Variants in STRAP observed in about 807,000 individuals in gnomAD.
STRAP encodes serine-threonine kinase receptor-associated protein.
Under a neutral mutation model 47.0 loss-of-function variants are expected in STRAP, and 16 were observed. The observed-to-expected ratio is 0.34, with a 90% CI of 0.23 to 0.52. The LOEUF (loss-of-function observed/expected upper bound fraction) is 0.52. Ranked by LOEUF, STRAP falls within the 20% of genes least tolerant of loss-of-function variation. The pLI is 0.96. For synonymous variants in STRAP, 130 were observed against 142.7 expected, an observed-to-expected ratio of 0.91 and a Z score of 0.63; for missense variants, 293 against 420.0, an observed-to-expected ratio of 0.70 and a Z score of 2.64.
chr12:15,889,983 A>G lies in STRAP; in HGVS notation c.304A>G (p.Ile102Val). The change falls in exon 3 of 10, where the codon ATT becomes GTT. Residue 102 changes from isoleucine to valine, a missense_variant. Coordinates refer to ENST00000419869, the MANE Select transcript of STRAP (RefSeq NM_007178.4). Reference protein sequence around the residue: ...DELMTLAHKHIVKTVDFTQDS... With the variant: ...DELMTLAHKHVVKTVDFTQDS... ...ATTGATGACCCTGGCTCATAAACAC[A>G]TTGTCAAGACTGTGGATTTCACGCA... The G allele has an allele frequency of 6.2e-7, 1 of 1,613,852 alleles. No homozygotes were observed. Among genetic ancestry groups the G allele is most frequent in the East Asian group, 2.2e-5 (1 of 44,828 alleles).
intron 1 of STRAP, chr12:15,883,121 G>C (rs1292221200): frequency 6.5e-7 from 1 of 1,535,514 alleles, no homozygotes; most frequent in Non-Finnish European, 8.7e-7. Flanking sequence ...GGGACAACAC[G>C]GTAAATAGCT....
intron 4 of STRAP, among the ~76,000 whole-genome samples, chr12:15,891,009 G>C (rs1022038320): frequency 6.6e-6 from 1 of 151,522 alleles, no homozygotes; most frequent in African/African-American, 2.4e-5. Flanking sequence ...GCAGTGAGCC[G>C]AGATTGCGCC....
In STRAP at chr12:15,903,238, A is replaced by G; in HGVS notation, c.*260A>G. On this transcript the variant is annotated 3_prime_UTR_variant, in exon 10 of 10. Transcript: ENST00000419869. Reference sequence around the variant, plus strand: ...CTTTTTAATGAATATATACAAGCCAACATCCAATTTCTATTATTACAATTA... The same window carrying G: ...CTTTTTAATGAATATATACAAGCCAGCATCCAATTTCTATTATTACAATTA... 1 of 304,556 alleles carries G rather than the reference A, an allele frequency of 3.3e-6. No homozygotes were observed. Among genetic ancestry groups the G allele is most frequent in the Non-Finnish European group, 5.9e-6 (1 of 168,654 alleles). 18.9% of individuals were successfully genotyped at this position (304,556 alleles called of 1,614,324 possible).
At chr12:15,895,842 G>A (rs1948054999) in intron 6 of STRAP, among the ~76,000 whole-genome samples, 1 of 126,710 alleles carries the variant, frequency 7.9e-6, no homozygotes. Flanking sequence ...CAGTCTGGAT[G>A]ACAAAGCAAA....
intron 1 of STRAP, 66 bp downstream of exon 1, chr12:15,882,885 C>G: frequency 4.0e-6 from 6 of 1,508,428 alleles, no homozygotes; most frequent in Middle Eastern, 1.7e-4. Flanking sequence ...GGGACCCGCA[C>G]GCTCCAGTGC....
intron 2 of STRAP, among the ~76,000 whole-genome samples, chr12:15,886,823 G>A (rs917297474): frequency 2.6e-5 from 4 of 152,100 alleles, no homozygotes; most frequent in South Asian, 2.1e-4. Flanking sequence ...ATTTGGTCCC[G>A]TTTCTTGTGG....
intron 7 of STRAP, 110 bp downstream of exon 7, chr12:15,898,128 A>G (rs767338451): frequency 1.2e-4 from 124 of 1,044,906 alleles, no homozygotes; most frequent in South Asian, 2.1e-4. Flanking sequence ...TTGAAAGTAA[A>G]TTTTTCAGCT....
In STRAP at chr12:15,890,017, A is replaced by C; in HGVS notation, c.330+8A>C. ...ACTGTGGATTTCACGCAGGTATCAG[A>C]AAATGGAATTTATTTTAGCGAGTTA... On this transcript the variant is annotated splice_region_variant and intron_variant, in intron 3 of 9. Coordinates refer to ENST00000419869, the MANE Select transcript of STRAP (RefSeq NM_007178.4). This position sits in a 1 kb window ranked among gnomAD's most constrained non-coding sequence, Gnocchi z 4.5. 1 of 1,613,416 alleles carries C rather than the reference A, an allele frequency of 6.2e-7. No individual in the cohort carries two copies. Among genetic ancestry groups the C allele is most frequent in the South Asian group, 1.1e-5 (1 of 91,062 alleles).
chr12:15,894,271 C>A lies in STRAP; in HGVS notation c.500+128C>A. On this transcript the variant is annotated intron_variant, in intron 5 of 9. Transcript: ENST00000419869. The surrounding 1 kb of genome is among the most constrained non-coding windows in gnomAD (Gnocchi z 4.9). Reference sequence around the variant, plus strand: ...GTCAGGAGTACTAGACCAGCCTGGCCGACATGGCGAAATACTGTCTCTATG... The same window carrying A: ...GTCAGGAGTACTAGACCAGCCTGGCAGACATGGCGAAATACTGTCTCTATG... 1.6e-6 allele frequency: 1 copy of A among 634,170 alleles called. No individual in the cohort carries two copies. The highest frequency in any genetic ancestry group is 3.0e-5 in the East Asian group (1 of 33,878). The allele number at this position is 634,170 out of a possible 1,614,324, so 39.3% of individuals were successfully genotyped here.
At position 15,903,149 on chromosome 12, in the gene STRAP, T is replaced by A; in HGVS notation, c.*171T>A. On this transcript the variant is annotated 3_prime_UTR_variant, in exon 10 of 10. Coordinates refer to ENST00000419869, the MANE Select transcript of STRAP (RefSeq NM_007178.4). ...TAACTAACTTGGTGTTACCTGTAAG[T>A]GAAAACTCAAGTGTCAGATGAAGGG... The A allele has an allele frequency of 3.3e-6, 2 of 614,100 alleles. No individual in the cohort carries two copies. Among genetic ancestry groups the A allele is most frequent in the Non-Finnish European group, 5.0e-6 (2 of 401,374 alleles). The allele number at this position is 614,100 out of a possible 1,614,324, so 38.0% of individuals were successfully genotyped here.
chr12:15,883,173 A>G, intron 1 of STRAP: 5 of 1,514,810 alleles, frequency 3.3e-6, no homozygotes, highest in Non-Finnish European at 4.4e-6. Context: ...CAGGCCGTGC[A>G]ATACCTTACA....
chr12:15,888,301 G>A lies in STRAP; in HGVS notation c.249-1627G>A, dbSNP rs574684612. Reference sequence around the variant, plus strand: ...AAATACGTAAGTTATTTGAGGAGTGGTTTATAATCTAGTGTTGCTAGATTC... The same window carrying A: ...AAATACGTAAGTTATTTGAGGAGTGATTTATAATCTAGTGTTGCTAGATTC... On this transcript the variant is annotated intron_variant, in intron 2 of 9. Coordinates refer to ENST00000419869, the MANE Select transcript of STRAP (RefSeq NM_007178.4). Among the ~76,000 whole-genome samples the A allele has an allele frequency of 2.0e-5, 3 of 152,252 alleles. No homozygotes were observed. In the South Asian group the frequency reaches 6.2e-4, roughly 32 times the overall value.
chr12:15,886,674 T>C (rs1947975306), intron 2 of STRAP, among the ~76,000 whole-genome samples: 1 of 152,194 alleles, frequency 6.6e-6, no homozygotes, highest in African/African-American at 2.4e-5. Flanking sequence ...TGTGTGTGTA[T>C]TCTCTCCAAG....
intron 7 of STRAP, 67 bp from the exon 8 acceptor site, chr12:15,899,837 T>G (rs1046343527): frequency 1.4e-6 from 2 of 1,466,836 alleles, no homozygotes; most frequent in Non-Finnish European, 1.9e-6. Flanking sequence ...GACAGTATTT[T>G]TTTTTTTTAG....
intron 5 of STRAP, 64 bp from the exon 6 acceptor site, chr12:15,895,295 A>G: frequency 7.9e-7 from 1 of 1,258,000 alleles, no homozygotes; most frequent in South Asian, 1.9e-5. Flanking sequence ...CTGCAGATGT[A>G]ATTAGAATTT....
intron 8 of STRAP, among the ~76,000 whole-genome samples, chr12:15,900,366 C>G (rs1948093388): frequency 6.6e-6 from 1 of 151,804 alleles, no homozygotes; most frequent in South Asian, 2.1e-4. Flanking sequence ...CCCATCTCTA[C>G]TAAAAATACA....
In STRAP at chr12:15,894,259, G is replaced by C. The variant is rs1363245875; in HGVS notation, c.500+116G>C. Reference sequence around the variant, plus strand: ...GGATCATTAGAGGTCAGGAGTACTAGACCAGCCTGGCCGACATGGCGAAAT... The same window carrying C: ...GGATCATTAGAGGTCAGGAGTACTACACCAGCCTGGCCGACATGGCGAAAT... On this transcript the variant is annotated intron_variant, in intron 5 of 9. Transcript: ENST00000419869. This position sits in a 1 kb window ranked among gnomAD's most constrained non-coding sequence, Gnocchi z 4.9. The C allele has an allele frequency of 1.4e-6, 1 of 724,060 alleles. No homozygotes were observed. The highest frequency in any genetic ancestry group is 2.3e-6 in the Non-Finnish European group (1 of 432,016). 44.9% of individuals were successfully genotyped at this position (724,060 alleles called of 1,614,324 possible).
intron 1 of STRAP, chr12:15,883,032 C>A: frequency 6.5e-7 from 1 of 1,528,674 alleles, no homozygotes. Flanking sequence ...GAAACTATTA[C>A]CTCCAACTAA....
chr12:15,899,154 G>A (rs1948083530), intron 7 of STRAP, among the ~76,000 whole-genome samples: 1 of 152,166 alleles, frequency 6.6e-6, no homozygotes, highest in Non-Finnish European at 1.5e-5. Context: ...GATCTGCCTA[G>A]CCTTTCTCTT....
Sources: gnomAD v4.1 joint callset for allele counts (sites outside exome capture counted in the v4.1 genomes callset) on GRCh38, gnomAD v4.1.1 for gene constraint, Gnocchi (gnomAD v3.1) non-coding constraint, MANE v1.5 for transcripts, NCBI Gene and HGNC (gene_info 2026-07-23, HGNC 2026-07-21) for gene names.